The following PFKM variants were observed in gnomAD, a reference collection of about 807,000 sequenced individuals.
PFKM encodes phosphofructokinase, muscle, also known as ATP-dependent 6-phosphofructokinase, muscle type.
Under a neutral mutation model 95.5 loss-of-function variants are expected in PFKM, and 58 were observed. That is an observed-to-expected ratio of 0.61 (90% CI 0.49 to 0.76). The LOEUF is 0.76. Ranked by LOEUF, PFKM falls within the 30% of genes least tolerant of loss-of-function variation. The pLI is 0.00. For synonymous variants in PFKM, 336 were observed against 357.2 expected, an observed-to-expected ratio of 0.94 and a Z score of 0.67; for missense variants, 678 against 1,005.4, an observed-to-expected ratio of 0.67 and a Z score of 4.40.
chr12:48,115,463 A>G (rs1445481234), upstream of PFKM, among the ~76,000 whole-genome samples: 1 of 152,218 alleles, frequency 6.6e-6, no homozygotes, highest in Non-Finnish European at 1.5e-5. Flanking sequence ...GTTCTCAAGG[A>G]TGGGGAGAAT....
At chr12:48,105,690 C>T, upstream of PFKM, 1 of 457,614 alleles carries the variant, frequency 2.2e-6, no homozygotes, top group Non-Finnish European at 4.1e-6. Context: ...GCGGGAAAGC[C>T]CCGGAATCGC....
At chr12:48,142,140 G>A (rs1480989000) in intron 17 of PFKM, 74 bp downstream of exon 17, 2 of 1,367,152 alleles carry the variant, frequency 1.5e-6, no homozygotes, top group Non-Finnish European at 2.1e-6. Context: ...GTCCCAAACA[G>A]TGAGCTACTC....
In PFKM at chr12:48,140,861, C is replaced by T. The variant is rs370890319; in HGVS notation, c.1331C>T (p.Ala444Val). Residue 444 changes from alanine to valine, a missense_variant, in exon 14 of 23, where the codon GCC becomes GTC. Coordinates refer to ENST00000359794, the MANE Select transcript of PFKM (RefSeq NM_000289.6). ...GTCCATGATGGTTTCGAGGGCCTGGCCAAGGGGCAGGTATGGGGACTATTC... is the reference window on the plus strand; with the variant it reads ...GTCCATGATGGTTTCGAGGGCCTGGTCAAGGGGCAGGTATGGGGACTATTC... ...LVVHDGFEGL[A>V]KGQIEEAGWS... is the part of the protein sequence containing the mutation. 2 of 1,614,136 alleles carry T rather than the reference C, an allele frequency of 1.2e-6. No individual in the cohort carries two copies. The highest frequency in any genetic ancestry group is 1.7e-6 in the Non-Finnish European group (2 of 1,180,030).
chr12:48,137,937 A>G (rs1950248522), intron 11 of PFKM, 91 bp downstream of exon 11: 3 of 1,430,522 alleles, frequency 2.1e-6, no homozygotes, highest in African/African-American at 2.8e-5. Context: ...GGCCACTGGT[A>G]TAGGAGCAGG....
rs142862996 is a variant in PFKM, at chr12:48,131,905, T to C, written c.237+512T>C. 9.8e-4 allele frequency: 399 copies of C among 407,072 alleles called. 4 individuals carry two copies. In the Admixed American group the frequency reaches 0.011, roughly 11 times the overall value. The allele number at this position is 407,072 out of a possible 1,614,324, so 25.2% of individuals were successfully genotyped here. Reference sequence around the variant, plus strand: ...TTTATGCTACTTGCTCCATGTTGTTTTAGGCTTCTCATGTGTATCCACTGT... The same window carrying C: ...TTTATGCTACTTGCTCCATGTTGTTCTAGGCTTCTCATGTGTATCCACTGT... On this transcript the variant is annotated intron_variant, in intron 4 of 22. Coordinates refer to ENST00000359794, the MANE Select transcript of PFKM (RefSeq NM_000289.6).
At chr12:48,122,577 T>C in intron 1 of PFKM, 190 bp from the exon 2 acceptor site, 1 of 1,428,566 alleles carries the variant, frequency 7.0e-7, no homozygotes, top group Non-Finnish European at 9.2e-7. Context: ...ACATGACATT[T>C]CAGCTTGTCA....
chr12:48,134,126 C>A (rs1949809725), intron 6 of PFKM, 106 bp from the exon 7 acceptor site: 2 of 906,280 alleles, frequency 2.2e-6, no homozygotes, highest in African/African-American at 1.6e-5. Flanking sequence ...GAAGGCCTGG[C>A]AGCATACATG....
intron 11 of PFKM, among the ~76,000 whole-genome samples, chr12:48,138,098 A>C (rs932419894): frequency 6.6e-6 from 1 of 152,214 alleles, no homozygotes; most frequent in African/African-American, 2.4e-5. Flanking sequence ...AATGAAACCC[A>C]GTATCTCATA....
chr12:48,145,691 G>A lies in PFKM; in HGVS notation c.2326G>A (p.Gly776Arg), dbSNP rs970220488. 16 of 1,614,000 alleles carry A rather than the reference G, an allele frequency of 9.9e-6. No individual in the cohort carries two copies. Among genetic ancestry groups the A allele is most frequent in the African/African-American group, 8.0e-5 (6 of 74,916 alleles). The change falls in exon 23 of 23, where the codon GGG becomes AGG. Residue 776 changes from glycine to arginine, a missense_variant. By Grantham distance (125) the Gly-to-Arg change is moderately radical. Transcript: ENST00000359794. This position sits in a 1 kb window ranked among gnomAD's most constrained non-coding sequence, Gnocchi z 4.3. The part of the protein sequence containing the change: ...HLEHITRKRS[G>R]EAAV ...GGAGCACATCACCCGGAAGCGGTCC[G>A]GGGAAGCTGCCGTCTAAACCTCTCT...
chr12:48,133,101 G>A (rs199600995), intron 5 of PFKM, 44 bp downstream of exon 5: 193 of 1,540,336 alleles, frequency 1.3e-4, no homozygotes, highest in Admixed American at 1.3e-3. Context: ...GTGTCGGTAC[G>A]TGCACGCGTG....
At chr12:48,107,564 A>C in intron 2 of PFKM, 1 of 715,352 alleles carries the variant, frequency 1.4e-6, no homozygotes, top group Non-Finnish European at 2.5e-6. Flanking sequence ...TTTAGGGGTC[A>C]ACTGACCTTG....
At chr12:48,141,547 T>C in intron 15 of PFKM, 166 bp downstream of exon 15, 1 of 769,940 alleles carries the variant, frequency 1.3e-6, no homozygotes, top group East Asian at 2.6e-5. Flanking sequence ...TCAACATCTT[T>C]AGCAGCTCTG....
chr12:48,140,876 G>T lies in PFKM; in HGVS notation c.1341+5G>T. The T allele has an allele frequency of 6.2e-7, 1 of 1,613,978 alleles. No individual in the cohort carries two copies. Among genetic ancestry groups the T allele is most frequent in the Non-Finnish European group, 8.5e-7 (1 of 1,179,948 alleles). ...GAGGGCCTGGCCAAGGGGCAGGTATGGGGACTATTCTGGGACCTAGGAGCA... is the reference window on the plus strand; with the variant it reads ...GAGGGCCTGGCCAAGGGGCAGGTATTGGGACTATTCTGGGACCTAGGAGCA... On this transcript the variant is annotated splice_donor_5th_base_variant and intron_variant, in intron 14 of 22. Coordinates refer to ENST00000359794, the MANE Select transcript of PFKM (RefSeq NM_000289.6).
intron 2 of PFKM, among the ~76,000 whole-genome samples, chr12:48,126,617 ATACCAAC>A (rs1565871165): frequency 6.6e-6 from 1 of 152,238 alleles, no homozygotes. Context: ...AACCCTGGGT[ATACCAAC>A]AGGATTGCAT....
intron 3 of PFKM, among the ~76,000 whole-genome samples, chr12:48,112,435 T>C (rs1049264916): frequency 2.0e-5 from 3 of 151,988 alleles, no homozygotes; most frequent in Non-Finnish European, 4.4e-5. Context: ...AGATAGGTAA[T>C]GGATAAGGAA....
Position 48,114,324 on chromosome 12 carries a change from C to T in PFKM, c.205+6130C>T, listed in dbSNP as rs867785817. Among the ~76,000 whole-genome samples the T allele has an allele frequency of 2.9e-4, 44 of 152,132 alleles. No individual in the cohort carries two copies. In the Middle Eastern group the frequency reaches 0.01, roughly 35 times the overall value. ...GAAAGAGCCTAAACGCTGGCTGATTCGGGAAAGGTCTGATAGAGAAAAAGG... is the reference window on the plus strand; with the variant it reads ...GAAAGAGCCTAAACGCTGGCTGATTTGGGAAAGGTCTGATAGAGAAAAAGG... On this transcript the variant is annotated intron_variant, in intron 3 of 24. Transcript: ENST00000340802.
At chr12:48,136,691 A>C (rs1244368900) in intron 10 of PFKM, among the ~76,000 whole-genome samples, 10 of 93,044 alleles carry the variant, frequency 1.1e-4, no homozygotes, top group African/African-American at 4.3e-4. Flanking sequence ...GGGGGTCGTC[A>C]CTTTTTTTTT....
intron 6 of PFKM, 83 bp from the exon 7 acceptor site, chr12:48,134,149 A>G: frequency 9.2e-7 from 1 of 1,087,442 alleles, no homozygotes; most frequent in South Asian, 1.2e-5. Flanking sequence ...TCTCCCAGAG[A>G]GGGTAATTGG....
rs771952676 is a variant in PFKM at position 48,107,416 on chromosome 12, A to AT, written c.45dup (p.Gln16SerfsTer41). ...TCATCTGAAATTTTTCATGTGTGTG[A>AT]TTCAGTCTCGCCAGTTAGTCAGGAC... On this transcript the variant is annotated frameshift_variant, in exon 2 of 25. Transcript: ENST00000340802. LOFTEE classifies it high-confidence loss of function. 7.5e-6 allele frequency: 12 copies of AT among 1,598,920 alleles called. No homozygotes were observed. The highest frequency in any genetic ancestry group is 1.0e-5 in the Non-Finnish European group (12 of 1,179,378).
Sources: allele counts gnomAD v4.1 joint callset (sites outside exome capture counted in the v4.1 genomes callset), GRCh38; gene constraint gnomAD v4.1.1; non-coding constraint Gnocchi (gnomAD v3.1); transcripts MANE v1.5; gene names NCBI Gene and HGNC (gene_info 2026-07-23, HGNC 2026-07-21).